The following TMCO1 variants were observed in gnomAD, a reference collection of about 807,000 sequenced individuals.
TMCO1 encodes the protein calcium load-activated calcium channel.
Under a neutral mutation model 29.3 loss-of-function variants are expected in TMCO1, and 29 were observed. The observed-to-expected ratio is 0.99, with a 90% CI of 0.74 to 1.35. The LOEUF is 1.35. Ranked by LOEUF, TMCO1 falls within the 40% of genes most tolerant of loss-of-function variation. The probability of loss-of-function intolerance (pLI) is 0.00; values close to 1 mark genes in which losing one functional copy is unlikely to be tolerated. For synonymous variants in TMCO1, 80 were observed against 77.1 expected, an observed-to-expected ratio of 1.04 and a Z score of -0.20; for missense variants, 173 against 225.5, an observed-to-expected ratio of 0.77 and a Z score of 1.49.
At position 165,742,294 on chromosome 1, in the gene TMCO1, G is replaced by A. The variant is rs913142042; in HGVS notation, c.468+873C>T. On this transcript the variant is annotated intron_variant, in intron 6 of 6. Transcript: ENST00000367881. ...TTTTCTTTTTTTGAGACAGGGTCCCGCTCTGCTGCCCAGGCTAAAGTCCAG... is the reference window on the plus strand; with the variant it reads ...TTTTCTTTTTTTGAGACAGGGTCCCACTCTGCTGCCCAGGCTAAAGTCCAG... 4.7e-5 allele frequency among the ~76,000 whole-genome samples: 7 copies of A among 150,154 alleles called. No individual in the cohort carries two copies. In the East Asian group the frequency reaches 7.8e-4, roughly 17 times the overall value.
downstream of TMCO1, chr1:165,724,816 T>C (rs1421491607): frequency 2.2e-6 from 1 of 453,982 alleles, no homozygotes. Flanking sequence ...GTATTCAGAT[T>C]ACACATATTT....
At chr1:165,725,902 G>A (rs1284369922), downstream of TMCO1, 1 of 600,784 alleles carries the variant, frequency 1.7e-6, no homozygotes, top group Non-Finnish European at 3.1e-6. Flanking sequence ...AATGAATAGG[G>A]TGAATAGATG....
intron 3 of TMCO1, among the ~76,000 whole-genome samples, chr1:165,755,575 G>C (rs1652163880): frequency 6.6e-6 from 1 of 152,132 alleles, no homozygotes; most frequent in Non-Finnish European, 1.5e-5. Flanking sequence ...AGGAGGCTGA[G>C]GCAAGAGGAG....
downstream of TMCO1, chr1:165,724,431 C>T: frequency 2.2e-6 from 1 of 454,100 alleles, no homozygotes; most frequent in Non-Finnish European, 4.4e-6. Context: ...GTAAACAACA[C>T]AACTTCTTCA....
At chr1:165,744,495 T>C (rs1315289922) in intron 5 of TMCO1, among the ~76,000 whole-genome samples, 1 of 152,154 alleles carries the variant, frequency 6.6e-6, no homozygotes, top group East Asian at 1.9e-4. Context: ...TAAATGACTT[T>C]TAAGATCTCT....
At chr1:165,760,332 G>A (rs1652352168) in intron 2 of TMCO1, among the ~76,000 whole-genome samples, 2 of 151,798 alleles carry the variant, frequency 1.3e-5, no homozygotes, top group African/African-American at 2.4e-5. Flanking sequence ...TTGGGAAGCT[G>A]AGGCAGGAGA....
downstream of TMCO1, chr1:165,726,131 CATT>C (rs1310927428): frequency 2.9e-6 from 2 of 696,048 alleles, no homozygotes; most frequent in Admixed American, 2.0e-5. Flanking sequence ...TCATATTTGT[CATT>C]ATTGTTATCA....
intron 5 of TMCO1, among the ~76,000 whole-genome samples, chr1:165,744,790 CAAAAAAA>C (rs558392976): frequency 9.6e-6 from 1 of 104,012 alleles, no homozygotes; most frequent in African/African-American, 3.9e-5. Context: ...AACTCCATCT[CAAAAAAA>C]AAAAAAAAAA....
intron 5 of TMCO1, among the ~76,000 whole-genome samples, chr1:165,746,142 T>C (rs1651787196): frequency 6.6e-6 from 1 of 151,654 alleles, no homozygotes; most frequent in Non-Finnish European, 1.5e-5. Flanking sequence ...GAGTAGGTAG[T>C]AGGCAATGAT....
chr1:165,733,616 AAG>A (rs903910190), intron 6 of TMCO1, among the ~76,000 whole-genome samples: 2 of 148,096 alleles, frequency 1.4e-5, no homozygotes, highest in Admixed American at 1.4e-4. Flanking sequence ...AAAAAAAAGA[AAG>A]AAATATGCAT....
chr1:165,765,494 G>A (rs1258784043), intron 2 of TMCO1, among the ~76,000 whole-genome samples: 1 of 152,182 alleles, frequency 6.6e-6, no homozygotes, highest in Non-Finnish European at 1.5e-5. Context: ...ATGTTGGTCA[G>A]GCTGGTCTCG....
intron 1 of TMCO1, 22 bp from the exon 2 acceptor site, chr1:165,768,291 G>GT (rs1652649905): frequency 6.2e-7 from 1 of 1,601,258 alleles, no homozygotes; most frequent in Admixed American, 1.7e-5. Context: ...AAAGCAACAT[G>GT]TTAATAGAGA....
chr1:165,759,631 A>C, intron 2 of TMCO1, 47 bp from the exon 3 acceptor site: 1 of 1,489,160 alleles, frequency 6.7e-7, no homozygotes, highest in East Asian at 2.3e-5. Flanking sequence ...GATTATACTA[A>C]AGAAACAAAG....
chr1:165,735,381 T>C (rs1651327422), intron 6 of TMCO1, among the ~76,000 whole-genome samples: 1 of 152,106 alleles, frequency 6.6e-6, no homozygotes, highest in African/African-American at 2.4e-5. Flanking sequence ...ATCTTACTGG[T>C]TTGAAGAATC....
At chr1:165,751,084 A>C (rs1308792547) in intron 5 of TMCO1, among the ~76,000 whole-genome samples, 6 of 152,150 alleles carry the variant, frequency 3.9e-5, no homozygotes, top group African/African-American at 1.4e-4. Flanking sequence ...ACAACAACAA[A>C]AAGATAATAA....
At chr1:165,751,639 A>T (rs1230512309) in intron 5 of TMCO1, among the ~76,000 whole-genome samples, 1 of 151,712 alleles carries the variant, frequency 6.6e-6, no homozygotes, top group Non-Finnish European at 1.5e-5. Context: ...AGGAAGACAG[A>T]GGTTGCAGTG....
At chr1:165,757,560 G>T (rs1652241706) in intron 3 of TMCO1, among the ~76,000 whole-genome samples, 1 of 152,198 alleles carries the variant, frequency 6.6e-6, no homozygotes, top group African/African-American at 2.4e-5. Flanking sequence ...ACAATGGCGC[G>T]ATCTCGGCGC....
rs750731579 is a variant in TMCO1 at position 165,768,670 on chromosome 1, AC to A, written c.70+11del. ...GGGACTGATCAAACGTCTGAGAAAT[AC>A]CCGCTCTCACCCTCTGCGAGCAGAG... On this transcript the variant is annotated intron_variant, in intron 1 of 6. Transcript: ENST00000367881. 4 of 1,613,886 alleles carry A rather than the reference AC, an allele frequency of 2.5e-6. No individual in the cohort carries two copies. In the Admixed American group the frequency reaches 6.7e-5, roughly 27 times the overall value.
intron 5 of TMCO1, 30 bp downstream of exon 5, chr1:165,752,071 AT>A (rs1652012912): frequency 3.9e-6 from 6 of 1,523,098 alleles, no homozygotes; most frequent in Non-Finnish European, 5.5e-6. Flanking sequence ...AGTAATAGTT[AT>A]TAGTCAAAAG....
Sources: gnomAD v4.1 joint callset for allele counts (sites outside exome capture counted in the v4.1 genomes callset) on GRCh38, gnomAD v4.1.1 for gene constraint, MANE v1.5 for transcripts, NCBI Gene and HGNC (gene_info 2026-07-23, HGNC 2026-07-21) for gene names.